The following MTAP variants were observed in gnomAD, a reference collection of about 807,000 sequenced individuals.
The protein encoded by MTAP is methylthioadenosine phosphorylase.
A neutral mutation model predicts 33.6 loss-of-function variants in MTAP; 33 were observed. The ratio of observed to expected loss-of-function variants is 0.98; its 90% CI spans 0.74 to 1.31. MTAP has a LOEUF of 1.31. Among genes scored for constraint, MTAP ranks in the 40% most tolerant of loss-of-function variants. The pLI is 0.00. For missense variants in MTAP, 367 were observed against 360.0 expected (o/e 1.02, Z -0.16); for synonymous variants, 148 against 125.7 (o/e 1.18, Z -1.19).
Position 21,880,015 on chromosome 9 carries a change from C to T in MTAP, c.147+25145C>T, listed in dbSNP as rs553674634. ...AAAATCTAAGGATTATGTGTCTTCA[C>T]GATGATCTTTTGTAAAATCTTGCAA... On this transcript the variant is annotated intron_variant, in intron 1 of 1. Transcript: ENST00000577563. 3.3e-5 allele frequency among the ~76,000 whole-genome samples: 5 copies of T among 152,142 alleles called. No homozygotes were observed. In the East Asian group the frequency reaches 9.7e-4, roughly 29 times the overall value.
rs754413061 is a variant in MTAP at position 21,802,813 on chromosome 9, G to T, written c.33+32G>T. Reference sequence around the variant, plus strand: ...TGAGCCCTCCCAGCCGCAGCGGTTCGCCCTGCCGGATGCCTTCTCGCCCCC... The same window carrying T: ...TGAGCCCTCCCAGCCGCAGCGGTTCTCCCTGCCGGATGCCTTCTCGCCCCC... On this transcript the variant is annotated intron_variant, in intron 1 of 7. Transcript: ENST00000644715. 14 of 1,611,528 alleles carry T rather than the reference G, an allele frequency of 8.7e-6. No homozygotes were observed. In the African/African-American group the frequency reaches 1.7e-4, roughly 20 times the overall value.
intron 1 of MTAP, among the ~76,000 whole-genome samples, chr9:21,906,131 A>C (rs1335483796): frequency 6.6e-6 from 1 of 152,212 alleles, no homozygotes; most frequent in Non-Finnish European, 1.5e-5. Flanking sequence ...AACACTTCTT[A>C]AAATGAACTT....
chr9:21,843,714 C>A (rs1044082380), intron 5 of MTAP, among the ~76,000 whole-genome samples: 3 of 152,124 alleles, frequency 2.0e-5, no homozygotes, highest in Admixed American at 1.3e-4. Context: ...TATAGTGACA[C>A]AACTTATCAA....
At chr9:21,898,542 A>G (rs1818336311) in intron 1 of MTAP, among the ~76,000 whole-genome samples, 2 of 152,230 alleles carry the variant, frequency 1.3e-5, no homozygotes, top group Admixed American at 6.5e-5. Context: ...ACAAGAAAAA[A>G]TCAAACAATG....
At chr9:21,832,883 ATCT>A (rs1825009174) in intron 4 of MTAP, among the ~76,000 whole-genome samples, 1 of 152,238 alleles carries the variant, frequency 6.6e-6, no homozygotes, top group African/African-American at 2.4e-5. Flanking sequence ...TCTAGAAGAC[ATCT>A]TCTATCTACC....
intron 1 of MTAP, among the ~76,000 whole-genome samples, chr9:21,914,252 A>G (rs980948296): frequency 9.9e-5 from 15 of 152,208 alleles, no homozygotes; most frequent in African/African-American, 3.4e-4. Flanking sequence ...AACTAGAAAT[A>G]TCATTTGACG....
intron 1 of MTAP, among the ~76,000 whole-genome samples, chr9:21,897,414 C>T (rs1190129510): frequency 6.6e-6 from 1 of 152,024 alleles, no homozygotes; most frequent in African/African-American, 2.4e-5. Context: ...TAAAGGGTAT[C>T]CAATGAGGAA....
At chr9:21,856,250 A>G (rs2118527899) in intron 6 of MTAP, 1 of 835,266 alleles carries the variant, frequency 1.2e-6, no homozygotes. Context: ...AAGAGGCCTA[A>G]TATTGTACCA....
chr9:21,841,864 TG>T (rs1442237135), intron 5 of MTAP, among the ~76,000 whole-genome samples: 1 of 152,110 alleles, frequency 6.6e-6, no homozygotes, highest in Non-Finnish European at 1.5e-5. Context: ...TATGACAAAA[TG>T]GGGTTCTGTA....
intron 1 of MTAP, among the ~76,000 whole-genome samples, chr9:21,873,024 A>G (rs1410452751): frequency 6.6e-6 from 1 of 152,192 alleles, no homozygotes; most frequent in Admixed American, 6.5e-5. Context: ...TGATGTTACT[A>G]GAGCCCTCTT....
At chr9:21,870,201 C>G (rs1180623490), downstream of MTAP, among the ~76,000 whole-genome samples, 1 of 152,212 alleles carries the variant, frequency 6.6e-6, no homozygotes, top group Non-Finnish European at 1.5e-5. Context: ...TCACTCCATG[C>G]CCAAAGTACT....
At chr9:21,895,009 T>G (rs1818265874) in intron 1 of MTAP, among the ~76,000 whole-genome samples, 1 of 152,086 alleles carries the variant, frequency 6.6e-6, no homozygotes, top group Non-Finnish European at 1.5e-5. Flanking sequence ...TACAAAACAC[T>G]GCTCAAAGAA....
downstream of MTAP, among the ~76,000 whole-genome samples, chr9:21,871,233 G>A (rs897258292): frequency 7.2e-5 from 11 of 152,134 alleles, no homozygotes; most frequent in African/African-American, 2.2e-4. Flanking sequence ...AATTTCATTT[G>A]CTCAGTTGCA....
intron 1 of MTAP, among the ~76,000 whole-genome samples, chr9:21,919,750 AGTG>A (rs1818757716): frequency 1.3e-5 from 2 of 152,306 alleles, no homozygotes; most frequent in Admixed American, 1.3e-4. Flanking sequence ...GGAGTAATAA[AGTG>A]GTGGTGGTCA....
intron 1 of MTAP, among the ~76,000 whole-genome samples, chr9:21,917,983 C>T (rs892074611): frequency 6.6e-6 from 1 of 152,136 alleles, no homozygotes; most frequent in African/African-American, 2.4e-5. Flanking sequence ...AGTGAAGTAA[C>T]TCAGGAATGG....
At chr9:21,847,281 A>G (rs1008388996) in intron 5 of MTAP, among the ~76,000 whole-genome samples, 4 of 152,158 alleles carry the variant, frequency 2.6e-5, no homozygotes, top group Admixed American at 1.3e-4. Context: ...CCATTTATCT[A>G]TCTGTCCCAT....
chr9:21,850,990 A>G (rs1324574230), intron 5 of MTAP, among the ~76,000 whole-genome samples: 1 of 152,216 alleles, frequency 6.6e-6, no homozygotes, highest in East Asian at 1.9e-4. Context: ...TGATTGACCC[A>G]GACTATCAAG....
At chr9:21,896,667 C>A (rs1302584847) in intron 1 of MTAP, among the ~76,000 whole-genome samples, 1 of 152,132 alleles carries the variant, frequency 6.6e-6, no homozygotes, top group Non-Finnish European at 1.5e-5. Context: ...CATACACCCT[C>A]CCAAGACTAA....
chr9:21,940,549 CT>C (rs112391219), downstream of MTAP, among the ~76,000 whole-genome samples: 11 of 152,342 alleles, frequency 7.2e-5, 1 homozygote, highest in African/African-American at 2.2e-4. Flanking sequence ...CAGTATCTGG[CT>C]ATGACTTCTA....
Sources: allele counts gnomAD v4.1 joint callset (sites outside exome capture counted in the v4.1 genomes callset), GRCh38; gene constraint gnomAD v4.1.1; transcripts MANE v1.5; gene names NCBI Gene and HGNC (gene_info 2026-07-23, HGNC 2026-07-21).